Variants in CLVS2 observed in about 807,000 individuals in gnomAD.
The protein encoded by CLVS2 is clavesin 2, also known as clavesin-2.
CLVS2 carries 19 observed loss-of-function variants against 29.0 expected under a neutral mutation model. The ratio of observed to expected loss-of-function variants is 0.66; its 90% CI spans 0.46 to 0.96. The LOEUF is 0.96. CLVS2 is among the 40% of genes least tolerant of loss of function. The pLI, the probability that CLVS2 is intolerant of heterozygous loss-of-function variation, is 0.00. For missense variants in CLVS2, 294 were observed against 404.1 expected (o/e 0.73, Z 2.34); for synonymous variants, 161 against 151.3 (o/e 1.06, Z -0.47).
At chr6:123,031,629 C>T (rs1466555182) in intron 3 of CLVS2, among the ~76,000 whole-genome samples, 1 of 152,110 alleles carries the variant, frequency 6.6e-6, no homozygotes, top group African/African-American at 2.4e-5. Flanking sequence ...AGTTGTACAT[C>T]TTAAATAGAT....
At chr6:122,998,966 T>C (rs1373158764) in intron 2 of CLVS2, among the ~76,000 whole-genome samples, 2 of 152,220 alleles carry the variant, frequency 1.3e-5, no homozygotes, top group East Asian at 3.8e-4. Flanking sequence ...TCTACATTAT[T>C]ATAGAAAAAT....
intron 4 of CLVS2, among the ~76,000 whole-genome samples, chr6:123,054,030 A>G (rs1772653167): frequency 6.6e-6 from 1 of 152,110 alleles, no homozygotes; most frequent in Admixed American, 6.6e-5. Context: ...CAAAGCGGAA[A>G]ATGATGCTGC....
intron 3 of CLVS2, among the ~76,000 whole-genome samples, chr6:123,046,590 A>G (rs1275008958): frequency 2.0e-5 from 3 of 151,362 alleles, no homozygotes; most frequent in Non-Finnish European, 2.9e-5. Context: ...ACCTGGGAGG[A>G]GGAAATTGCA....
intron 3 of CLVS2, among the ~76,000 whole-genome samples, chr6:123,014,335 CTT>C (rs11308809): frequency 2.6e-5 from 4 of 151,626 alleles, no homozygotes; most frequent in South Asian, 2.1e-4. Context: ...TGTTTCCTGA[CTT>C]TTTTTTTCTT....
intron 2 of CLVS2, 124 bp downstream of exon 2, chr6:122,998,290 C>A: frequency 8.1e-7 from 1 of 1,229,402 alleles, no homozygotes; most frequent in Non-Finnish European, 1.1e-6. Flanking sequence ...AAAAGAGAAA[C>A]AAACCAGGAG....
rs978988510 is a variant in CLVS2, at chr6:123,071,056, C to T, written c.*7295C>T. ...TCTCCATAGCATTTATCACCTGATACACCATACAGATTATTTATTTACTTT... is the reference window on the plus strand; with the variant it reads ...TCTCCATAGCATTTATCACCTGATATACCATACAGATTATTTATTTACTTT... On this transcript the variant is annotated 3_prime_UTR_variant, in exon 6 of 6. Coordinates refer to ENST00000275162, the MANE Select transcript of CLVS2 (RefSeq NM_001010852.4). 5.9e-5 allele frequency: 9 copies of T among 151,894 alleles called. No homozygotes were observed. The highest frequency in any genetic ancestry group is 1.3e-4 in the Admixed American group (2 of 15,206). 9.4% of individuals were successfully genotyped at this position (151,894 alleles called of 1,614,324 possible).
chr6:123,044,769 G>C (rs1320748443), intron 3 of CLVS2, among the ~76,000 whole-genome samples: 1 of 152,154 alleles, frequency 6.6e-6, no homozygotes, highest in Admixed American at 6.5e-5. Flanking sequence ...CAGGATGAGG[G>C]AGACCACTTG....
intron 5 of CLVS2, among the ~76,000 whole-genome samples, chr6:123,061,710 ACAGT>A (rs1318054104): frequency 6.6e-6 from 1 of 152,246 alleles, no homozygotes; most frequent in African/African-American, 2.4e-5. Context: ...GTTTTCAAAA[ACAGT>A]CAGGAAACAC....
intron 3 of CLVS2, among the ~76,000 whole-genome samples, chr6:123,040,763 G>A (rs939161776): frequency 2.4e-5 from 2 of 83,524 alleles, no homozygotes; most frequent in African/African-American, 5.0e-5. Context: ...GTGAGACTCC[G>A]TCTCAAAAAA....
chr6:123,002,044 G>T (rs1223791464), intron 2 of CLVS2, among the ~76,000 whole-genome samples: 2 of 152,170 alleles, frequency 1.3e-5, no homozygotes, highest in Non-Finnish European at 2.9e-5. Flanking sequence ...CATTTATCTG[G>T]AATATGGTTA....
intron 3 of CLVS2, among the ~76,000 whole-genome samples, chr6:123,037,644 T>C (rs1332834232): frequency 6.6e-6 from 1 of 152,052 alleles, no homozygotes; most frequent in African/African-American, 2.4e-5. Flanking sequence ...CCTCACTGCC[T>C]TAACTCAGAT....
intron 3 of CLVS2, among the ~76,000 whole-genome samples, chr6:123,047,795 T>G (rs1361859318): frequency 6.6e-6 from 1 of 152,104 alleles, no homozygotes; most frequent in Non-Finnish European, 1.5e-5. Flanking sequence ...CAATGTGTAA[T>G]TTTGAAAGAG....
intron 2 of CLVS2, among the ~76,000 whole-genome samples, chr6:123,000,962 A>G: frequency 6.6e-6 from 1 of 152,230 alleles, no homozygotes; most frequent in East Asian, 1.9e-4. Flanking sequence ...CTACAAAAGG[A>G]AAAACAAGAT....
chr6:123,067,832 T>C lies in CLVS2; in HGVS notation c.*4071T>C, dbSNP rs1772886332. On this transcript the variant is annotated 3_prime_UTR_variant, in exon 6 of 6. Transcript: ENST00000275162. ...ATGCAAGGTGTGTAATTATCTTCAG[T>C]AATGAAAAGGATTTGTTTTCTTGTT... 1.3e-5 allele frequency: 2 copies of C among 151,720 alleles called. No individual in the cohort carries two copies. The highest frequency in any genetic ancestry group is 1.3e-4 in the Admixed American group (2 of 15,182). The allele number at this position is 151,720 out of a possible 1,614,324, so 9.4% of individuals were successfully genotyped here.
intron 2 of CLVS2, among the ~76,000 whole-genome samples, 190 bp from the exon 3 acceptor site, chr6:123,010,795 G>A (rs1456769444): frequency 6.6e-6 from 1 of 151,988 alleles, no homozygotes; most frequent in East Asian, 1.9e-4. Flanking sequence ...CAGAATACAT[G>A]TTAAATTCGA....
At chr6:123,001,621 C>A (rs1237908226) in intron 2 of CLVS2, among the ~76,000 whole-genome samples, 1 of 152,200 alleles carries the variant, frequency 6.6e-6, no homozygotes, top group Admixed American at 6.5e-5. Context: ...TACACTGCAT[C>A]ACAAAGATGC....
chr6:123,058,286 G>T (rs989798855), intron 5 of CLVS2, among the ~76,000 whole-genome samples: 4 of 152,108 alleles, frequency 2.6e-5, no homozygotes, highest in South Asian at 2.1e-4. Flanking sequence ...CTGACATAAA[G>T]CCTGCCTACC....
chr6:123,016,608 A>G (rs1774838141), intron 3 of CLVS2, among the ~76,000 whole-genome samples: 2 of 152,068 alleles, frequency 1.3e-5, no homozygotes, highest in South Asian at 2.1e-4. Flanking sequence ...TAGTCAAGGC[A>G]TGGCTTGCTG....
chr6:123,032,309 GT>G (rs1206287970), intron 3 of CLVS2, among the ~76,000 whole-genome samples: 7 of 151,946 alleles, frequency 4.6e-5, no homozygotes, highest in Non-Finnish European at 1.0e-4. Flanking sequence ...TTTAAAAAAT[GT>G]TTTTCCTGTC....
Sources: gnomAD v4.1 joint callset for allele counts (sites outside exome capture counted in the v4.1 genomes callset) on GRCh38, gnomAD v4.1.1 for gene constraint, MANE v1.5 for transcripts, NCBI Gene and HGNC (gene_info 2026-07-23, HGNC 2026-07-21) for gene names.